FAT1: variants seen among roughly 807,000 people sequenced by gnomAD.
FAT1 encodes the protein FAT atypical cadherin 1, also known as protocadherin Fat 1.
FAT1 carries 171 observed loss-of-function variants against 329.8 expected under a neutral mutation model. The ratio of observed to expected loss-of-function variants is 0.52; its 90% CI spans 0.46 to 0.59. The LOEUF is 0.59. Ranked by LOEUF, FAT1 falls within the 20% of genes least tolerant of loss-of-function variation. FAT1 has a pLI of 0.00. For synonymous variants in FAT1, 2,233 were observed against 2,228.6 expected (o/e 1.00, Z -0.06); for missense variants, 5,672 against 5,774.4 (o/e 0.98, Z 0.57).
At chr4:186,622,477 G>A (rs918505564) in intron 9 of FAT1, among the ~76,000 whole-genome samples, 6 of 152,236 alleles carry the variant, frequency 3.9e-5, no homozygotes, top group African/African-American at 1.4e-4. Context: ...TGGAGACCAG[G>A]GGTGTTGCTA....
intron 3 of FAT1, among the ~76,000 whole-genome samples, chr4:186,640,693 C>A (rs1741048175): frequency 6.6e-6 from 1 of 152,182 alleles, no homozygotes; most frequent in Admixed American, 6.5e-5. Context: ...ACTAGAATAT[C>A]TATGAGTTTT....
intron 2 of FAT1, among the ~76,000 whole-genome samples, chr4:186,673,565 CA>C (rs1391070964): frequency 1.3e-5 from 2 of 152,166 alleles, no homozygotes; most frequent in African/African-American, 2.4e-5. Context: ...AGCAAAAACA[CA>C]ACTGTCACTG....
intron 2 of FAT1, among the ~76,000 whole-genome samples, chr4:186,698,609 G>T (rs894350284): frequency 6.6e-6 from 1 of 152,268 alleles, no homozygotes; most frequent in African/African-American, 2.4e-5. Flanking sequence ...TATGCCCAAA[G>T]GCAGGGAGAC....
intron 2 of FAT1, among the ~76,000 whole-genome samples, chr4:186,699,105 A>G (rs1328049162): frequency 6.6e-6 from 1 of 152,164 alleles, no homozygotes; most frequent in East Asian, 1.9e-4. Context: ...AAAGACCATA[A>G]AATAGGGCCT....
intron 1 of FAT1, among the ~76,000 whole-genome samples, chr4:186,716,052 A>G (rs1285322033): frequency 6.6e-6 from 1 of 152,142 alleles, no homozygotes; most frequent in Non-Finnish European, 1.5e-5. Context: ...AGATGACCTC[A>G]AGCTCAAGTC....
In FAT1 at chr4:186,603,661, G is replaced by A. The variant is rs778212581; in HGVS notation, c.10865C>T (p.Thr3622Met). Residue 3622 changes from threonine to methionine, a missense_variant, in exon 19 of 27, where the codon ACG becomes ATG. Around this residue, in one of 2 missense-constraint regions of FAT1, gnomAD observed 1,706 missense variants for 1,859.1 expected, o/e 0.92. Coordinates refer to ENST00000441802, the MANE Select transcript of FAT1 (RefSeq NM_005245.4). ...LNVSVTDGKF[T>M]TVADITVHIR... ...ATGCACTGTGATGTCGGCCACCGTC[G>A]TGAACTTCCCATCTGTTACGCTGAC... The A allele has an allele frequency of 8.1e-6, 13 of 1,613,870 alleles. No individual in the cohort carries two copies. Among genetic ancestry groups the A allele is most frequent in the African/African-American group, 5.3e-5 (4 of 74,916 alleles).
In FAT1 at chr4:186,609,881, C is replaced by T. The variant is rs1739320071; in HGVS notation, c.9988G>A (p.Asp3330Asn). ...TCTTGGCTGAACACAGGGGTATTAT[C>T]GTTGATATCTGTTACATTAACGTTC... The part of the protein sequence containing the change: ...TVNVNVTDIN[D>N]NTPVFSQDTY... Residue 3330 changes from aspartate (D) to asparagine (N), a missense_variant, in exon 15 of 27, where the codon GAT becomes AAT. Around this residue, in one of 2 missense-constraint regions of FAT1, gnomAD observed 1,706 missense variants for 1,859.1 expected, o/e 0.92. Transcript: ENST00000441802. 6.2e-7 allele frequency: 1 copy of T among 1,613,154 alleles called. No homozygotes were observed. The highest frequency in any genetic ancestry group is 8.5e-7 in the Non-Finnish European group (1 of 1,179,454).
At chr4:186,663,725 T>G in intron 2 of FAT1, 112 bp from the exon 3 acceptor site, 1 of 780,542 alleles carries the variant, frequency 1.3e-6, no homozygotes, top group Non-Finnish European at 2.0e-6. Flanking sequence ...TCTTACTAGG[T>G]GCATAACCTT....
chr4:186,590,991 AC>A (rs1423095390), intron 26 of FAT1, among the ~76,000 whole-genome samples: 2 of 152,210 alleles, frequency 1.3e-5, no homozygotes, highest in Non-Finnish European at 2.9e-5. Flanking sequence ...GGCTACACTT[AC>A]CCCATGTCTG....
Position 186,617,945 on chromosome 4 carries a change from CT to C in FAT1, c.8640del (p.Asp2881ThrfsTer47), listed in dbSNP as rs1560938066. ...GCAACCACTTTAATCTGGTAATTGT[CT>C]CTCTTTTCATGGTCAAGTTCCTTTA... ...TTLKELDHEK[R>X]DNYQIKVVAS... On this transcript the variant is annotated frameshift_variant, in exon 10 of 27. Transcript: ENST00000441802. LOFTEE classifies it high-confidence loss of function. 1.2e-6 allele frequency: 2 copies of C among 1,613,992 alleles called. No homozygotes were observed. Among genetic ancestry groups the C allele is most frequent in the Non-Finnish European group, 1.7e-6 (2 of 1,179,890 alleles).
At chr4:186,609,421 G>GT in intron 15 of FAT1, 101 bp from the exon 16 acceptor site, 48 of 1,380,656 alleles carry the variant, frequency 3.5e-5, no homozygotes, top group Non-Finnish European at 4.0e-5. Flanking sequence ...TCTTTTTGTT[G>GT]TTGTTTTTTT....
At chr4:186,725,277 A>C (rs1386991959), upstream of FAT1, among the ~76,000 whole-genome samples, 1 of 152,132 alleles carries the variant, frequency 6.6e-6, no homozygotes, top group Non-Finnish European at 1.5e-5. The surrounding 1 kb of genome is among the most constrained non-coding windows in gnomAD (Gnocchi z 5.4). Flanking sequence ...AAATCTCAGC[A>C]AAACCCAAAC....
chr4:186,711,587 T>A (rs1744955323), intron 1 of FAT1, among the ~76,000 whole-genome samples: 1 of 151,770 alleles, frequency 6.6e-6, no homozygotes, highest in African/African-American at 2.4e-5. Context: ...AAGACAAAGA[T>A]CCCAATCCCA....
chr4:186,594,649 A>T (rs750939420), intron 26 of FAT1, among the ~76,000 whole-genome samples: 2 of 125,574 alleles, frequency 1.6e-5, no homozygotes, highest in African/African-American at 6.3e-5. Context: ...TTAGGAATAG[A>T]GTGTGTATAT....
At chr4:186,724,209 TGGG>T (rs1319085074), upstream of FAT1, among the ~76,000 whole-genome samples, 6 of 112,930 alleles carry the variant, frequency 5.3e-5, no homozygotes, top group African/African-American at 2.7e-4. This position sits in a 1 kb window ranked among gnomAD's most constrained non-coding sequence, Gnocchi z 5.3. Flanking sequence ...AAAAAAAGGC[TGGG>T]GCCTAATGAG....
chr4:186,657,248 G>C (rs1399854279), intron 3 of FAT1, among the ~76,000 whole-genome samples: 1 of 152,214 alleles, frequency 6.6e-6, no homozygotes, highest in Non-Finnish European at 1.5e-5. Context: ...ATTACTAGGT[G>C]AGTGGATAAA....
chr4:186,717,277 A>AT (rs1298350705), intron 1 of FAT1, among the ~76,000 whole-genome samples: 2 of 152,180 alleles, frequency 1.3e-5, no homozygotes, highest in African/African-American at 4.8e-5. Flanking sequence ...GTGTACACTA[A>AT]TTCTTTTCAA....
Position 186,589,102 on chromosome 4 carries a change from G to A in FAT1, c.13257C>T (p.Ala4419=), listed in dbSNP as rs2126356002. 1 of 1,613,912 alleles carries A rather than the reference G, an allele frequency of 6.2e-7. No individual in the cohort carries two copies. The highest frequency in any genetic ancestry group is 1.1e-5 in the South Asian group (1 of 91,074). Residue 4419 remains alanine, a synonymous_variant, in exon 27 of 27, where the codon GCC becomes GCT. Transcript: ENST00000441802. The part of the protein sequence containing the change: ...QTPLYSADPN[A]IDTDYYPGGY... ...CTCCAGGGTAATAGTCCGTATCGATGGCGTTTGGATCTGCTGAGTACAGGG... is the reference window on the plus strand; with the variant it reads ...CTCCAGGGTAATAGTCCGTATCGATAGCGTTTGGATCTGCTGAGTACAGGG...
At chr4:186,657,940 G>C (rs1044260341) in intron 3 of FAT1, among the ~76,000 whole-genome samples, 2 of 152,154 alleles carry the variant, frequency 1.3e-5, no homozygotes, top group Non-Finnish European at 2.9e-5. Context: ...AGTCTCTTTT[G>C]TTTGGGACTC....
Sources: allele counts gnomAD v4.1 joint callset (sites outside exome capture counted in the v4.1 genomes callset), GRCh38; gene constraint gnomAD v4.1.1; regional missense constraint gnomAD v4.1.1; non-coding constraint Gnocchi (gnomAD v3.1); transcripts MANE v1.5; gene names NCBI Gene and HGNC (gene_info 2026-07-23, HGNC 2026-07-21).